MYLK: variants seen among roughly 807,000 people sequenced by gnomAD.
MYLK encodes the protein myosin light chain kinase, smooth muscle.
A neutral mutation model predicts 203.4 loss-of-function variants in MYLK; 106 were observed. The observed-to-expected ratio is 0.52, with a 90% CI of 0.45 to 0.61. The LOEUF is 0.61. Among genes scored for constraint, MYLK ranks in the 20% least tolerant of loss-of-function variants. MYLK has a pLI of 0.00. For synonymous variants in MYLK, 867 were observed against 959.5 expected (o/e 0.90, Z 1.78); for missense variants, 2,072 against 2,442.3 (o/e 0.85, Z 3.20).
chr3:123,726,834 A>G (rs145483492), intron 11 of MYLK, among the ~76,000 whole-genome samples: 24 of 152,334 alleles, frequency 1.6e-4, no homozygotes, highest in African/African-American at 5.5e-4. Context: ...AATCTCTTCT[A>G]TGACAACCAG....
intron 2 of MYLK, among the ~76,000 whole-genome samples, chr3:123,846,277 G>A (rs1375587383): frequency 6.6e-6 from 1 of 152,156 alleles, no homozygotes; most frequent in Non-Finnish European, 1.5e-5. Flanking sequence ...TGAATGCACA[G>A]AAAGACAGTA....
intron 3 of MYLK, among the ~76,000 whole-genome samples, chr3:123,808,291 G>A (rs1463303196): frequency 6.6e-6 from 1 of 152,138 alleles, no homozygotes; most frequent in Middle Eastern, 3.2e-3. Context: ...TTGAGGATGA[G>A]ACTCACTTAC....
chr3:123,775,028 A>C (rs562661846), intron 4 of MYLK, among the ~76,000 whole-genome samples: 4 of 151,824 alleles, frequency 2.6e-5, no homozygotes, highest in Admixed American at 2.0e-4. Flanking sequence ...CAACATGGTA[A>C]ATTTTTTTTT....
intron 2 of MYLK, among the ~76,000 whole-genome samples, chr3:123,833,812 C>T (rs1282760241): frequency 1.3e-5 from 2 of 152,078 alleles, no homozygotes; most frequent in East Asian, 1.9e-4. Context: ...CCCTGACACT[C>T]ATGGCAAAAA....
At chr3:123,855,622 G>C (rs565706215) in intron 2 of MYLK, among the ~76,000 whole-genome samples, 1 of 152,014 alleles carries the variant, frequency 6.6e-6, no homozygotes, top group East Asian at 1.9e-4. Flanking sequence ...CTTGGTGATA[G>C]AGTGAGACCC....
chr3:123,629,658 G>C lies in MYLK; in HGVS notation c.4962-32C>G, dbSNP rs1450396098. 6.2e-7 allele frequency: 1 copy of C among 1,612,832 alleles called. No individual in the cohort carries two copies. Among genetic ancestry groups the C allele is most frequent in the East Asian group, 2.2e-5 (1 of 44,860 alleles). On this transcript the variant is annotated intron_variant, in intron 29 of 33. Coordinates refer to ENST00000360304, the MANE Select transcript of MYLK (RefSeq NM_053025.4). This position sits in a 1 kb window ranked among gnomAD's most constrained non-coding sequence, Gnocchi z 4.4. ...AGACAAGAGCAGGACAGCAGGTGTG[G>C]CTAGGAGAGGGCGCGACGACCAGGT... is the stretch of plus-strand genomic sequence containing the variant.
At chr3:123,678,938 T>C (rs1226192984) in intron 20 of MYLK, among the ~76,000 whole-genome samples, 1 of 152,216 alleles carries the variant, frequency 6.6e-6, no homozygotes, top group Non-Finnish European at 1.5e-5. Context: ...TAAATAAGAA[T>C]GTGTGCATAT....
chr3:123,881,631 C>T (rs2033545420), intron 1 of MYLK, among the ~76,000 whole-genome samples: 1 of 152,130 alleles, frequency 6.6e-6, no homozygotes, highest in African/African-American at 2.4e-5. Context: ...AGCAAGGCTG[C>T]ATTCTGAAAC....
intron 13 of MYLK, among the ~76,000 whole-genome samples, chr3:123,713,429 G>T (rs1483526072): frequency 6.6e-6 from 1 of 152,062 alleles, no homozygotes; most frequent in Non-Finnish European, 1.5e-5. Flanking sequence ...TTACGTAGGC[G>T]TCCCTTCAAA....
At chr3:123,817,994 C>T (rs1224446455) in intron 3 of MYLK, among the ~76,000 whole-genome samples, 1 of 152,176 alleles carries the variant, frequency 6.6e-6, no homozygotes, top group Non-Finnish European at 1.5e-5. Context: ...CATCCTCTTC[C>T]ATTGCCCAGC....
At chr3:123,841,522 CT>C (rs1170842050) in intron 2 of MYLK, among the ~76,000 whole-genome samples, 2 of 152,066 alleles carry the variant, frequency 1.3e-5, no homozygotes, top group Non-Finnish European at 2.9e-5. Context: ...TAGTCCTTGC[CT>C]CATTAATACC....
intron 3 of MYLK, among the ~76,000 whole-genome samples, chr3:123,824,551 T>C (rs1250782258): frequency 2.7e-4 from 41 of 152,174 alleles, no homozygotes; most frequent in Non-Finnish European, 2.9e-5. Flanking sequence ...GTTAGCCACA[T>C]TGATGGGAGT....
At chr3:123,853,086 C>T (rs2031006855) in intron 2 of MYLK, among the ~76,000 whole-genome samples, 1 of 151,832 alleles carries the variant, frequency 6.6e-6, no homozygotes, top group Non-Finnish European at 1.5e-5. Context: ...TCTTAAGGGC[C>T]TGACAGAAGC....
intron 4 of MYLK, among the ~76,000 whole-genome samples, chr3:123,787,494 C>T (rs2064581589): frequency 6.6e-6 from 1 of 152,152 alleles, no homozygotes; most frequent in South Asian, 2.1e-4. Flanking sequence ...TCAGGGGCAC[C>T]AAACACTGCT....
intron 33 of MYLK, among the ~76,000 whole-genome samples, chr3:123,615,333 T>A (rs895809387): frequency 2.0e-5 from 3 of 151,902 alleles, no homozygotes; most frequent in Non-Finnish European, 4.4e-5. Flanking sequence ...AATACAATTT[T>A]CTTTTTCCTT....
At position 123,701,806 on chromosome 3, in the gene MYLK, A is replaced by C. The variant is rs150564571; in HGVS notation, c.2391-297T>G. 3.4e-3 allele frequency among the ~76,000 whole-genome samples: 516 copies of C among 152,360 alleles called. 2 individuals carry two copies. The highest frequency in any genetic ancestry group is 0.012 in the African/African-American group (481 of 41,576). On this transcript the variant is annotated intron_variant, in intron 16 of 33. Transcript: ENST00000360304. ...AGTATATAATATAATCATTCAATCA[A>C]TCACTCACTCACTCAACCAATAAAA...
In MYLK at chr3:123,659,041, C is replaced by A. The variant is rs556144494; in HGVS notation, c.3986-1613G>T. Among the ~76,000 whole-genome samples, 8 of 152,322 alleles carry A rather than the reference C, an allele frequency of 5.3e-5. No individual in the cohort carries two copies. The South Asian group carries it at 1.7e-3, about 32-fold the overall frequency. ...TTTCACTGGCTGTTTAATATGTTCT[C>A]TTAGAAAAACTGTTTGTTCTGAGAG... On this transcript the variant is annotated intron_variant, in intron 23 of 33. Transcript: ENST00000360304.
intron 19 of MYLK, among the ~76,000 whole-genome samples, chr3:123,685,897 C>A (rs1477326807): frequency 6.6e-6 from 1 of 152,112 alleles, no homozygotes; most frequent in African/African-American, 2.4e-5. Context: ...GGGCTGAAGT[C>A]CCCCTTTCAA....
intron 16 of MYLK, among the ~76,000 whole-genome samples, chr3:123,704,556 C>T (rs2061375678): frequency 6.6e-6 from 1 of 152,066 alleles, no homozygotes; most frequent in Non-Finnish European, 1.5e-5. Context: ...GGATCCTGTC[C>T]CACCCTGAAT....
Sources: gnomAD v4.1 joint callset for allele counts (sites outside exome capture counted in the v4.1 genomes callset) on GRCh38, gnomAD v4.1.1 for gene constraint, Gnocchi (gnomAD v3.1) non-coding constraint, MANE v1.5 for transcripts, NCBI Gene and HGNC (gene_info 2026-07-23, HGNC 2026-07-21) for gene names.